SEMA5A: variants seen among roughly 807,000 people sequenced by gnomAD.
SEMA5A encodes semaphorin 5A.
In SEMA5A, 55 loss-of-function variants were observed where a neutral mutation model predicts 135.5. That is an observed-to-expected ratio of 0.41 (90% CI 0.33 to 0.51). The LOEUF is 0.51. Ranked by LOEUF, SEMA5A falls within the 20% of genes least tolerant of loss-of-function variation. The pLI, the probability that SEMA5A is intolerant of heterozygous loss-of-function variation, is 0.37. For missense variants in SEMA5A, 1,290 were observed against 1,419.9 expected, an observed-to-expected ratio of 0.91 and a Z score of 1.47; for synonymous variants, 580 against 546.5, an observed-to-expected ratio of 1.06 and a Z score of -0.85.
chr5:9,535,913 A>G, intron 1 of SEMA5A, among the ~76,000 whole-genome samples: 1 of 152,280 alleles, frequency 6.6e-6, no homozygotes, highest in African/African-American at 2.4e-5. Context: ...GTAACTGAAT[A>G]GCCATACGTG....
chr5:9,221,587 C>A (rs1000148941), intron 8 of SEMA5A, among the ~76,000 whole-genome samples: 1 of 152,146 alleles, frequency 6.6e-6, no homozygotes, highest in African/African-American at 2.4e-5. Context: ...CAGGCGTGAG[C>A]CACCGCGCCT....
At chr5:9,275,223 A>G (rs1159324163) in intron 5 of SEMA5A, among the ~76,000 whole-genome samples, 2 of 152,192 alleles carry the variant, frequency 1.3e-5, no homozygotes, top group Non-Finnish European at 2.9e-5. Context: ...AATAAACTAG[A>G]AAATCTAGAA....
intron 1 of SEMA5A, among the ~76,000 whole-genome samples, chr5:9,480,326 G>T (rs539331011): frequency 6.6e-6 from 1 of 152,240 alleles, no homozygotes; most frequent in Admixed American, 6.5e-5. Flanking sequence ...TGAAGGCTTA[G>T]CAAATAATAT....
chr5:9,188,727 C>G (rs148023096), intron 11 of SEMA5A, among the ~76,000 whole-genome samples: 299 of 101,358 alleles, frequency 2.9e-3, no homozygotes, highest in African/African-American at 0.014. Flanking sequence ...TGCCGGGTAC[C>G]CTGGGGAAAA....
At chr5:9,069,164 G>T (rs1326207147) in intron 16 of SEMA5A, among the ~76,000 whole-genome samples, 2 of 152,180 alleles carry the variant, frequency 1.3e-5, no homozygotes, top group Non-Finnish European at 2.9e-5. Context: ...CACATTGTTT[G>T]TACAGACAAT....
chr5:9,215,356 A>G (rs147321667), intron 8 of SEMA5A, among the ~76,000 whole-genome samples: 2 of 152,108 alleles, frequency 1.3e-5, no homozygotes, highest in East Asian at 3.9e-4. Context: ...CCCATCCCCC[A>G]ACCAAAAAAA....
intron 1 of SEMA5A, among the ~76,000 whole-genome samples, chr5:9,469,554 AG>A (rs1759398751): frequency 6.6e-6 from 1 of 152,214 alleles, no homozygotes; most frequent in Non-Finnish European, 1.5e-5. Context: ...AGGCTCAAAA[AG>A]ATTCACTCAC....
chr5:9,527,190 G>A (rs1737181646), intron 1 of SEMA5A, among the ~76,000 whole-genome samples: 1 of 152,088 alleles, frequency 6.6e-6, no homozygotes, highest in African/African-American at 2.4e-5. Flanking sequence ...GAGGCCTTGG[G>A]TGGAAGGATG....
intron 14 of SEMA5A, 115 bp downstream of exon 14, chr5:9,122,541 G>T: frequency 9.6e-7 from 1 of 1,037,044 alleles, no homozygotes; most frequent in Non-Finnish European, 1.3e-6. Flanking sequence ...AATGTCCCTG[G>T]TGTTTCACCA....
intron 12 of SEMA5A, among the ~76,000 whole-genome samples, chr5:9,142,563 C>G (rs543083350): frequency 2.6e-5 from 4 of 152,348 alleles, no homozygotes; most frequent in Non-Finnish European, 4.4e-5. Context: ...AGTGATCAAA[C>G]TGCCTATGAA....
chr5:9,237,940 G>T (rs957927011), intron 5 of SEMA5A, 50 bp from the exon 6 acceptor site: 4 of 1,561,310 alleles, frequency 2.6e-6, no homozygotes, highest in Admixed American at 1.7e-5. Context: ...CTAAATAAAA[G>T]GGAAAATATA....
chr5:9,221,289 C>T (rs1375702857), intron 8 of SEMA5A, among the ~76,000 whole-genome samples: 3 of 149,768 alleles, frequency 2.0e-5, no homozygotes, highest in Non-Finnish European at 4.4e-5. Context: ...AAAAGGCATC[C>T]GAACATTTTC....
chr5:9,538,082 AAACAAG>A (rs1248524855), intron 1 of SEMA5A, among the ~76,000 whole-genome samples: 14 of 152,356 alleles, frequency 9.2e-5, no homozygotes, highest in African/African-American at 3.4e-4. Context: ...AAGGTGCAGT[AAACAAG>A]GTGGGAGAGC....
intron 6 of SEMA5A, among the ~76,000 whole-genome samples, chr5:9,231,246 C>T (rs528483015): frequency 3.9e-5 from 6 of 152,134 alleles, no homozygotes; most frequent in African/African-American, 1.4e-4. Flanking sequence ...GCAGGCAGAT[C>T]ACCTGAGGTC....
intron 1 of SEMA5A, among the ~76,000 whole-genome samples, chr5:9,544,663 C>T (rs532427226): frequency 6.6e-6 from 1 of 152,342 alleles, no homozygotes; most frequent in South Asian, 2.1e-4. Flanking sequence ...GCCGGGAATC[C>T]CGAGGACGCC....
chr5:9,293,405 GA>G (rs1453407086), intron 5 of SEMA5A, among the ~76,000 whole-genome samples: 1 of 142,084 alleles, frequency 7.0e-6, no homozygotes, highest in East Asian at 1.9e-4. Context: ...AGGGCCATAT[GA>G]AAAATAAACT....
chr5:9,232,026 C>T (rs766495781), intron 6 of SEMA5A, among the ~76,000 whole-genome samples: 27 of 152,230 alleles, frequency 1.8e-4, no homozygotes, highest in African/African-American at 5.5e-4. Context: ...AATTGATAGC[C>T]GAGGAGCATG....
rs566370101 is a variant in SEMA5A at position 9,046,397 on chromosome 5, A to G, written c.2894-1813T>C. On this transcript the variant is annotated intron_variant, in intron 21 of 22. Transcript: ENST00000382496. The stretch of plus-strand genomic sequence containing the variant: ...AACCACCCCAGTCTGTCTCCTCCCC[A>G]GGGATTTTCTGAGCTGTCTTCCCTG... 1.1e-3 allele frequency among the ~76,000 whole-genome samples: 173 copies of G among 152,268 alleles called. 1 individual carries two copies. The highest frequency in any genetic ancestry group is 0.011 in the Admixed American group (170 of 15,298).
rs193004983 is a variant in SEMA5A at position 9,365,175 on chromosome 5, C to T, written c.124+14648G>A. Among the ~76,000 whole-genome samples the T allele has an allele frequency of 7.2e-4, 110 of 152,256 alleles. 2 individuals are homozygous for T. Among genetic ancestry groups the T allele is most frequent in the East Asian group, 3.9e-4 (2 of 5,182 alleles). ...ACAGCTGAGGAGAAAGCTAAACTAC[C>T]GTAGTACGGATCTTCCTTGCTAACA... On this transcript the variant is annotated intron_variant, in intron 3 of 22. Coordinates refer to ENST00000382496, the MANE Select transcript of SEMA5A (RefSeq NM_003966.3).
Sources: gnomAD v4.1 joint callset for allele counts (sites outside exome capture counted in the v4.1 genomes callset) on GRCh38, gnomAD v4.1.1 for gene constraint, MANE v1.5 for transcripts, NCBI Gene and HGNC (gene_info 2026-07-23, HGNC 2026-07-21) for gene names.